SEC24D: variants seen among roughly 807,000 people sequenced by gnomAD.
The protein encoded by SEC24D is protein transport protein Sec24D.
A neutral mutation model predicts 116.9 loss-of-function variants in SEC24D; 69 were observed. The ratio of observed to expected loss-of-function variants is 0.59; its 90% CI spans 0.49 to 0.72. SEC24D has a LOEUF of 0.72. Ranked by LOEUF, SEC24D falls within the 30% of genes least tolerant of loss-of-function variation. The pLI is 0.00. For synonymous variants in SEC24D, 405 were observed against 442.8 expected, an observed-to-expected ratio of 0.91 and a Z score of 1.07; for missense variants, 1,131 against 1,264.1, an observed-to-expected ratio of 0.89 and a Z score of 1.60.
At chr4:118,764,726 A>C (rs1727554936) in intron 10 of SEC24D, 76 bp downstream of exon 10, 2 of 833,676 alleles carry the variant, frequency 2.4e-6, no homozygotes, top group African/African-American at 3.4e-5. Context: ...ATCAAGAGTC[A>C]GTTCTTTACA....
intron 22 of SEC24D, among the ~76,000 whole-genome samples, chr4:118,723,931 C>G (rs557845578): frequency 2.6e-5 from 4 of 152,152 alleles, no homozygotes; most frequent in African/African-American, 9.6e-5. Context: ...GTCCCCTGAG[C>G]CTTAAAGGAT....
intron 8 of SEC24D, among the ~76,000 whole-genome samples, chr4:118,789,298 G>C (rs1327224327): frequency 6.6e-6 from 1 of 152,174 alleles, no homozygotes; most frequent in Non-Finnish European, 1.5e-5. Context: ...GGCACTATAA[G>C]TTCTGCCAAA....
chr4:118,740,421 C>T (rs1160200390), intron 17 of SEC24D, among the ~76,000 whole-genome samples: 1 of 152,150 alleles, frequency 6.6e-6, no homozygotes, highest in East Asian at 1.9e-4. Flanking sequence ...GTGATACTTA[C>T]CACAAATTTG....
At chr4:118,738,407 T>C (rs752502425) in intron 18 of SEC24D, 28 bp from the exon 19 acceptor site, 59 of 1,472,942 alleles carry the variant, frequency 4.0e-5, no homozygotes, top group Non-Finnish European at 5.4e-5. Context: ...GAAAAGGACA[T>C]GAGTTTTAGC....
intron 8 of SEC24D, among the ~76,000 whole-genome samples, chr4:118,775,142 A>T (rs1728071181): frequency 6.6e-6 from 1 of 152,160 alleles, no homozygotes; most frequent in Admixed American, 6.5e-5. Context: ...GAAAGCACTT[A>T]TCACACTATT....
At chr4:118,801,009 C>T (rs1729411639) in intron 7 of SEC24D, among the ~76,000 whole-genome samples, 4 of 152,082 alleles carry the variant, frequency 2.6e-5, no homozygotes, top group South Asian at 2.1e-4. Context: ...CGCCTGTAAT[C>T]CCAGCACTTT....
chr4:118,784,261 C>T (rs1361885375), intron 8 of SEC24D, among the ~76,000 whole-genome samples: 5 of 152,012 alleles, frequency 3.3e-5, no homozygotes, highest in Non-Finnish European at 5.9e-5. Flanking sequence ...GAAATAAATA[C>T]ATTTATATAT....
intron 11 of SEC24D, among the ~76,000 whole-genome samples, chr4:118,756,044 T>C (rs1578403123): frequency 6.6e-6 from 1 of 152,220 alleles, no homozygotes; most frequent in South Asian, 2.1e-4. Flanking sequence ...CCAGCATTGA[T>C]AAGGAACAAG....
At chr4:118,773,534 G>A (rs1186013408) in intron 8 of SEC24D, among the ~76,000 whole-genome samples, 1 of 152,206 alleles carries the variant, frequency 6.6e-6, no homozygotes, top group Admixed American at 6.5e-5. Context: ...GTCTCAAGAG[G>A]AGGTCAGTTG....
chr4:118,823,815 T>C (rs1479816667), intron 3 of SEC24D, among the ~76,000 whole-genome samples: 1 of 152,204 alleles, frequency 6.6e-6, no homozygotes, highest in Non-Finnish European at 1.5e-5. Flanking sequence ...CTGTGTTGTT[T>C]TTACTACAGC....
chr4:118,773,962 AAAAAT>A (rs1639868267), intron 8 of SEC24D, among the ~76,000 whole-genome samples: 1 of 152,176 alleles, frequency 6.6e-6, no homozygotes, highest in African/African-American at 2.4e-5. Context: ...TTCTGAATTA[AAAAAT>A]AAAATCCTAT....
rs1017621425 is a variant in SEC24D, at chr4:118,817,541, T to C, written c.249-129A>G. 1.1e-5 allele frequency: 7 copies of C among 628,766 alleles called. No homozygotes were observed. In the African/African-American group the frequency reaches 1.1e-4, roughly 10 times the overall value. 38.9% of individuals were successfully genotyped at this position (628,766 alleles called of 1,614,324 possible). ...GCCTAGGAAAATGACTGATATTATA[T>C]ACTAAATCTTTAATTAAGCTTGACA... is the stretch of plus-strand genomic sequence containing the variant. On this transcript the variant is annotated intron_variant, in intron 3 of 22. Coordinates refer to ENST00000280551, the MANE Select transcript of SEC24D (RefSeq NM_014822.4).
chr4:118,793,637 C>A (rs953124294), intron 8 of SEC24D, among the ~76,000 whole-genome samples: 1 of 152,160 alleles, frequency 6.6e-6, no homozygotes, highest in East Asian at 1.9e-4. Context: ...GGCACATGCC[C>A]CTGAGGAACT....
At chr4:118,800,813 GAGTT>G (rs745803210) in intron 7 of SEC24D, among the ~76,000 whole-genome samples, 8 of 152,184 alleles carry the variant, frequency 5.3e-5, no homozygotes, top group Non-Finnish European at 1.2e-4. Flanking sequence ...AAAAGTCAAA[GAGTT>G]AGTAAGTGGC....
rs139613113 is a variant in SEC24D at position 118,737,650 on chromosome 4, C to T, written c.2496+611G>A. 3.1e-4 allele frequency among the ~76,000 whole-genome samples: 47 copies of T among 152,162 alleles called. 1 individual carries two copies. The East Asian group carries it at 3.9e-3, about 13-fold the overall frequency. ...TTATTGACATAGAGAAGAATGTGAA[C>T]AAGAGAGCAAATGCAAAATAAATGT... On this transcript the variant is annotated intron_variant, in intron 19 of 22. Coordinates refer to ENST00000280551, the MANE Select transcript of SEC24D (RefSeq NM_014822.4).
intron 8 of SEC24D, among the ~76,000 whole-genome samples, chr4:118,774,938 TCTC>T (rs1419239722): frequency 6.6e-6 from 1 of 152,128 alleles, no homozygotes; most frequent in African/African-American, 2.4e-5. Context: ...TTTCTCTCCT[TCTC>T]CTGTTACAAT....
chr4:118,768,087 GA>G, intron 9 of SEC24D, 85 bp downstream of exon 9: 1 of 1,159,394 alleles, frequency 8.6e-7, no homozygotes, highest in Non-Finnish European at 1.2e-6. Flanking sequence ...GCAGAAAAAA[GA>G]ATGTATGCTT....
intron 8 of SEC24D, among the ~76,000 whole-genome samples, chr4:118,796,500 T>C (rs1486005828): frequency 1.3e-5 from 2 of 152,192 alleles, no homozygotes; most frequent in Non-Finnish European, 2.9e-5. Flanking sequence ...CATGACCTAC[T>C]CTAAGCCAGT....
At chr4:118,801,179 G>A (rs932925927) in intron 7 of SEC24D, among the ~76,000 whole-genome samples, 10 of 151,732 alleles carry the variant, frequency 6.6e-5, no homozygotes, top group African/African-American at 9.7e-5. Context: ...GGAGAATGGC[G>A]TGAACCTGGG....
Sources: allele counts gnomAD v4.1 joint callset (sites outside exome capture counted in the v4.1 genomes callset), GRCh38; gene constraint gnomAD v4.1.1; transcripts MANE v1.5; gene names NCBI Gene and HGNC (gene_info 2026-07-23, HGNC 2026-07-21).